Variants in ADAM2 observed in about 807,000 individuals in gnomAD.
ADAM2 encodes the protein ADAM metallopeptidase domain 2.
A neutral mutation model predicts 99.3 loss-of-function variants in ADAM2; 101 were observed. The ratio of observed to expected loss-of-function variants is 1.02; its 90% CI spans 0.87 to 1.20. The LOEUF is 1.20. Ranked by LOEUF, ADAM2 falls within the 50% of genes most tolerant of loss-of-function variation. ADAM2 has a pLI of 0.00. For synonymous variants in ADAM2, 323 were observed against 287.6 expected (o/e 1.12, Z -1.25); for missense variants, 948 against 878.7 (o/e 1.08, Z -1.00).
At chr8:39,746,136 C>T (rs955431274) in intron 19 of ADAM2, among the ~76,000 whole-genome samples, 9 of 152,124 alleles carry the variant, frequency 5.9e-5, no homozygotes, top group East Asian at 1.9e-4. Context: ...AGTGATCCTC[C>T]CACCTCAGCC....
chr8:39,745,103 A>G (rs1377853798), intron 19 of ADAM2, among the ~76,000 whole-genome samples: 1 of 152,184 alleles, frequency 6.6e-6, no homozygotes, highest in Non-Finnish European at 1.5e-5. Context: ...ATGAAAAAAA[A>G]GCACAGTGAT....
At chr8:39,835,681 C>CA (rs34604322) in intron 2 of ADAM2, among the ~76,000 whole-genome samples, 54,101 of 129,114 alleles carry the variant, frequency 0.42, 10,430 homozygotes, top group Middle Eastern at 0.5. Context: ...GACTCCGTCT[C>CA]AAAAAAAAAA....
chr8:39,761,467 T>C (rs1802368247), intron 14 of ADAM2, among the ~76,000 whole-genome samples, 186 bp from the exon 15 acceptor site: 1 of 152,198 alleles, frequency 6.6e-6, no homozygotes. Context: ...GTTTAAAAAT[T>C]GAAAGGACTC....
At chr8:39,828,237 A>T (rs1805487599) in intron 3 of ADAM2, among the ~76,000 whole-genome samples, 1 of 151,856 alleles carries the variant, frequency 6.6e-6, no homozygotes, top group Non-Finnish European at 1.5e-5. Flanking sequence ...GTAATACTTC[A>T]TGGGGATTTA....
At chr8:39,766,220 ATTAC>A (rs1802562062) in intron 14 of ADAM2, among the ~76,000 whole-genome samples, 2 of 152,132 alleles carry the variant, frequency 1.3e-5, no homozygotes, top group Admixed American at 1.3e-4. Flanking sequence ...CTATAGTCAT[ATTAC>A]TTATTCCATA....
chr8:39,758,137 C>A (rs1586054765), intron 15 of ADAM2, among the ~76,000 whole-genome samples: 2 of 151,764 alleles, frequency 1.3e-5, no homozygotes, highest in African/African-American at 4.8e-5. Flanking sequence ...GTCTTAAATT[C>A]AGAGATTTAC....
intron 3 of ADAM2, among the ~76,000 whole-genome samples, chr8:39,827,359 A>G (rs1216289023): frequency 6.6e-6 from 1 of 152,134 alleles, no homozygotes; most frequent in East Asian, 1.9e-4. Context: ...GAACTACTGT[A>G]TGATTCAGCC....
chr8:39,770,654 A>G (rs1450042248), intron 11 of ADAM2, among the ~76,000 whole-genome samples: 1 of 152,218 alleles, frequency 6.6e-6, no homozygotes, highest in Non-Finnish European at 1.5e-5. Flanking sequence ...TTTATCTCAT[A>G]AAGTTGTGAG....
At position 39,792,836 on chromosome 8, in the gene ADAM2, A is replaced by G. The variant is rs150806803; in HGVS notation, c.571-4096T>C. Among the ~76,000 whole-genome samples the G allele has an allele frequency of 1.1e-4, 17 of 152,274 alleles. 1 individual carries two copies. Among genetic ancestry groups the G allele is most frequent in the African/African-American group, 4.1e-4 (17 of 41,580 alleles). ...ATTCTGGTCTATGCATGTTGAGCCC[A>G]TACATAGAAAATGCTTTTTCTGCCC... On this transcript the variant is annotated intron_variant, in intron 7 of 20. Coordinates refer to ENST00000265708, the MANE Select transcript of ADAM2 (RefSeq NM_001464.5).
intron 7 of ADAM2, among the ~76,000 whole-genome samples, chr8:39,804,191 A>C (rs1218050847): frequency 6.6e-6 from 1 of 152,224 alleles, no homozygotes; most frequent in African/African-American, 2.4e-5. Context: ...TATGGAACTA[A>C]AGTGAGAATA....
intron 7 of ADAM2, among the ~76,000 whole-genome samples, chr8:39,789,617 G>A (rs1803619152): frequency 6.6e-6 from 1 of 151,706 alleles, no homozygotes; most frequent in Non-Finnish European, 1.5e-5. Context: ...GTGAAATTGA[G>A]TGCCCAGAAA....
At chr8:39,748,218 A>C (rs1261382652) in intron 18 of ADAM2, among the ~76,000 whole-genome samples, 4 of 152,172 alleles carry the variant, frequency 2.6e-5, no homozygotes, top group African/African-American at 4.8e-5. Flanking sequence ...ACCTGGCTAG[A>C]GTCTGTAGGA....
intron 20 of ADAM2, among the ~76,000 whole-genome samples, chr8:39,744,338 AAT>A (rs551590673): frequency 1.3e-5 from 2 of 152,160 alleles, no homozygotes; most frequent in Admixed American, 6.5e-5. Context: ...AATTCCGAAA[AAT>A]AGTCTCCAAT....
intron 10 of ADAM2, among the ~76,000 whole-genome samples, chr8:39,786,766 A>G (rs1156491895): frequency 1.3e-5 from 2 of 152,128 alleles, no homozygotes; most frequent in East Asian, 3.8e-4. Flanking sequence ...TCTAGAAAGG[A>G]TATCTTGAAC....
Position 39,746,513 on chromosome 8 carries a change from G to A in ADAM2, c.2133C>T (p.Phe711=). ...CCTCAGTTCTCCATTTTTTCCTTTG[G>A]AAATTAACTTTCACCATTATAGCAA... ...VLIAIMVKVN[F]QRKKWRTEDY... Residue 711 remains phenylalanine, a synonymous_variant, in exon 19 of 21, where the codon TTC becomes TTT. Coordinates refer to ENST00000265708, the MANE Select transcript of ADAM2 (RefSeq NM_001464.5). The A allele has an allele frequency of 6.3e-7, 1 of 1,590,884 alleles. No individual in the cohort carries two copies. Among genetic ancestry groups the A allele is most frequent in the Non-Finnish European group, 8.5e-7 (1 of 1,171,932 alleles).
intron 8 of ADAM2, 129 bp from the exon 9 acceptor site, chr8:39,788,380 A>T: frequency 1.7e-6 from 1 of 586,258 alleles, no homozygotes; most frequent in Non-Finnish European, 2.7e-6. Flanking sequence ...CATCTTTTAA[A>T]GTAGATTAGT....
intron 10 of ADAM2, among the ~76,000 whole-genome samples, chr8:39,782,806 A>C (rs1332492440): frequency 2.6e-5 from 4 of 152,168 alleles, no homozygotes; most frequent in African/African-American, 9.6e-5. Flanking sequence ...ACTTGTATAT[A>C]TCTTCAAAAA....
At chr8:39,793,744 T>C (rs1437733308) in intron 7 of ADAM2, among the ~76,000 whole-genome samples, 5 of 152,094 alleles carry the variant, frequency 3.3e-5, no homozygotes, top group Non-Finnish European at 5.9e-5. Context: ...TACAATTTGA[T>C]TGAGAGAACA....
intron 4 of ADAM2, 76 bp from the exon 5 acceptor site, chr8:39,821,738 T>C (rs1006005953): frequency 1.3e-5 from 14 of 1,051,664 alleles, no homozygotes; most frequent in East Asian, 7.6e-5. Context: ...GTAAAACATA[T>C]ATGTGTTTTG....
Sources: gnomAD v4.1 joint callset for allele counts (sites outside exome capture counted in the v4.1 genomes callset) on GRCh38, gnomAD v4.1.1 for gene constraint, MANE v1.5 for transcripts, NCBI Gene and HGNC (gene_info 2026-07-23, HGNC 2026-07-21) for gene names.